SMG6: variants seen among roughly 807,000 people sequenced by gnomAD.
The protein encoded by SMG6 is telomerase-binding protein EST1A.
A neutral mutation model predicts 142.2 loss-of-function variants in SMG6; 66 were observed. The observed-to-expected ratio is 0.46, with a 90% confidence interval of 0.38 to 0.57. The LOEUF (loss-of-function observed/expected upper bound fraction) is 0.57, where lower values mean the gene tolerates loss of function less well. Among genes scored for constraint, SMG6 ranks in the 20% least tolerant of loss-of-function variants. The probability of loss-of-function intolerance (pLI) is 0.00; values close to 1 mark genes in which losing one functional copy is unlikely to be tolerated. For synonymous variants in SMG6, 779 were observed against 702.4 expected (o/e 1.11, Z -1.72); for missense variants, 1,793 against 1,832.0 (o/e 0.98, Z 0.39).
intron 18 of SMG6, chr17:2,062,290 G>C (rs546405155): frequency 6.6e-6 from 1 of 152,304 alleles, no homozygotes; most frequent in Non-Finnish European, 1.5e-5. Context: ...GAAGAGTAGA[G>C]TTAAGATGAT....
At chr17:2,293,007 A>G in intron 4 of SMG6, 30 bp from the exon 5 acceptor site, 1 of 1,527,852 alleles carries the variant, frequency 6.5e-7, no homozygotes, top group Non-Finnish European at 9.1e-7. Context: ...TTAGTAGAAA[A>G]GCCAAGAAAC....
intron 6 of SMG6, 106 bp downstream of exon 6, chr17:2,292,446 C>A: frequency 1.8e-6 from 2 of 1,109,458 alleles, no homozygotes; most frequent in Non-Finnish European, 2.7e-6. Context: ...ATTCTTTGGG[C>A]TACAGTGATG....
intron 13 of SMG6, among the ~76,000 whole-genome samples, chr17:2,152,251 T>C (rs893893888): frequency 6.6e-6 from 1 of 152,156 alleles, no homozygotes; most frequent in African/African-American, 2.4e-5. Context: ...CCACCCCTTA[T>C]CCCCCTCTTT....
At chr17:2,171,166 T>C (rs1410933967) in intron 13 of SMG6, among the ~76,000 whole-genome samples, 1 of 151,912 alleles carries the variant, frequency 6.6e-6, no homozygotes, top group Non-Finnish European at 1.5e-5. Context: ...CCTAGCTATG[T>C]GGGAGGGTGA....
chr17:2,085,684 G>A lies in SMG6; in HGVS notation c.3534+41C>T. The A allele has an allele frequency of 6.3e-7, 1 of 1,576,058 alleles. No individual in the cohort carries two copies. The highest frequency in any genetic ancestry group is 8.6e-7 in the Non-Finnish European group (1 of 1,158,322). ...TGAAGCCACGAGCAGAATGGGGAGG[G>A]GGCCTTCCCTCTGCCACAGCGGGCT... On this transcript the variant is annotated intron_variant, in intron 14 of 18. Transcript: ENST00000263073. The surrounding 1 kb of genome is among the most constrained non-coding windows in gnomAD (Gnocchi z 4.1).
chr17:2,131,409 C>A (rs561102682), intron 13 of SMG6, among the ~76,000 whole-genome samples: 1 of 152,062 alleles, frequency 6.6e-6, no homozygotes, highest in Admixed American at 6.6e-5. Context: ...GATTCTCCTG[C>A]CTCAGCCTCC....
In SMG6 at chr17:2,163,332, G is replaced by A. The variant is rs912009086; in HGVS notation, c.3357+9326C>T. Among the ~76,000 whole-genome samples the A allele has an allele frequency of 1.3e-4, 19 of 151,896 alleles. No individual in the cohort carries two copies. The East Asian group carries it at 1.9e-3, about 16-fold the overall frequency. ...CTCTCAAGTAGCTAGGACCACAGAC[G>A]GAGGCCACCAAGCCCAGCTGATTTT... On this transcript the variant is annotated intron_variant, in intron 13 of 18. Coordinates refer to ENST00000263073, the MANE Select transcript of SMG6 (RefSeq NM_017575.5).
intron 12 of SMG6, among the ~76,000 whole-genome samples, chr17:2,176,546 C>T (rs140184316): frequency 6.3e-4 from 96 of 152,222 alleles, no homozygotes; most frequent in African/African-American, 2.1e-3. Context: ...CCACAATATC[C>T]CGCTAAAGTT....
In SMG6 at chr17:2,085,975, G is replaced by T; in HGVS notation, c.3358-74C>A. 1 of 1,463,760 alleles carries T rather than the reference G, an allele frequency of 6.8e-7. No homozygotes were observed. Among genetic ancestry groups the T allele is most frequent in the Non-Finnish European group, 9.6e-7 (1 of 1,046,960 alleles). 90.7% of individuals were successfully genotyped at this position (1,463,760 alleles called of 1,614,324 possible). On this transcript the variant is annotated intron_variant, in intron 13 of 18. Transcript: ENST00000263073. This position sits in a 1 kb window ranked among gnomAD's most constrained non-coding sequence, Gnocchi z 4.1. ...GATGGAGACGAGATGTTGCTTGCCGGCTGAGGGGCACAGGGGAACTGTGTC... is the reference window on the plus strand; with the variant it reads ...GATGGAGACGAGATGTTGCTTGCCGTCTGAGGGGCACAGGGGAACTGTGTC...
At chr17:2,226,990 T>G (rs2151782996) in intron 10 of SMG6, among the ~76,000 whole-genome samples, 1 of 152,320 alleles carries the variant, frequency 6.6e-6, no homozygotes, top group East Asian at 1.9e-4. Flanking sequence ...GAAAAGTCTC[T>G]CATCCTTAGT....
At chr17:2,302,710 A>G (rs1363729724) in intron 1 of SMG6, among the ~76,000 whole-genome samples, 3 of 152,124 alleles carry the variant, frequency 2.0e-5, no homozygotes, top group Non-Finnish European at 4.4e-5. Context: ...ATAGTGCTTC[A>G]CTATTTTCAT....
intron 4 of SMG6, among the ~76,000 whole-genome samples, chr17:2,296,078 G>A (rs1039265147): frequency 6.6e-6 from 1 of 152,146 alleles, no homozygotes; most frequent in Non-Finnish European, 1.5e-5. Flanking sequence ...CAAGTGACTG[G>A]TTCTAAGAAC....
intron 10 of SMG6, among the ~76,000 whole-genome samples, chr17:2,195,829 G>T (rs2072307057): frequency 6.6e-6 from 1 of 152,122 alleles, no homozygotes; most frequent in African/African-American, 2.4e-5. Context: ...CCAGAGCTGG[G>T]ATCTGAATCC....
intron 10 of SMG6, among the ~76,000 whole-genome samples, chr17:2,202,698 G>A (rs777068538): frequency 1.3e-5 from 2 of 152,176 alleles, no homozygotes; most frequent in Non-Finnish European, 2.9e-5. Flanking sequence ...CAAAGCCTTG[G>A]ACAAGGTGTT....
chr17:2,208,016 C>T (rs1432734063), intron 10 of SMG6, among the ~76,000 whole-genome samples: 1 of 152,156 alleles, frequency 6.6e-6, no homozygotes, highest in Non-Finnish European at 1.5e-5. Context: ...GTAATCCAAG[C>T]ACTTTGGGAG....
chr17:2,075,685 C>A (rs2068238476), intron 15 of SMG6, among the ~76,000 whole-genome samples: 1 of 152,234 alleles, frequency 6.6e-6, no homozygotes, highest in South Asian at 2.1e-4. Context: ...CTGCCCTGGT[C>A]TCTGAACAAC....
intron 13 of SMG6, among the ~76,000 whole-genome samples, chr17:2,095,564 T>TG (rs1388125155): frequency 1.3e-5 from 2 of 152,036 alleles, no homozygotes; most frequent in African/African-American, 4.8e-5. Flanking sequence ...CTGTTTCACT[T>TG]GGGGGGTTGG....
At chr17:2,091,738 T>C (rs1429149435) in intron 13 of SMG6, among the ~76,000 whole-genome samples, 1 of 151,382 alleles carries the variant, frequency 6.6e-6, no homozygotes, top group African/African-American at 2.4e-5. Context: ...TGGTGCGATC[T>C]CGGCTCACTG....
rs756435331 is a variant in SMG6, at chr17:2,065,569, G to A, written c.3946C>T (p.Gln1316Ter). 3.1e-6 allele frequency: 5 copies of A among 1,614,122 alleles called. No homozygotes were observed. The highest frequency in any genetic ancestry group is 4.2e-6 in the Non-Finnish European group (5 of 1,180,026). The change falls in exon 17 of 19, where the codon CAG (glutamine) becomes TAG (stop). Residue 1316 changes from glutamine (Q) to a stop codon, truncating the protein, a stop_gained. Coordinates refer to ENST00000263073, the MANE Select transcript of SMG6 (RefSeq NM_017575.5). LOFTEE classifies it high-confidence loss of function. ...CAAGAGTCCCGACTCTCGAATCGCT[G>A]CTCGAGGAACTCGATGGACTTGCGG... ...KARKSIEFLE[Q>*]RFESRDSCLR...
Sources: gnomAD v4.1 joint callset for allele counts (sites outside exome capture counted in the v4.1 genomes callset) on GRCh38, gnomAD v4.1.1 for gene constraint, Gnocchi (gnomAD v3.1) non-coding constraint, MANE v1.5 for transcripts, NCBI Gene and HGNC (gene_info 2026-07-23, HGNC 2026-07-21) for gene names.